The following DAOA variants were observed in gnomAD, a reference collection of about 807,000 sequenced individuals.
DAOA encodes D-amino acid oxidase regulator.
Under a neutral mutation model 16.4 loss-of-function variants are expected in DAOA, and 15 were observed. The ratio of observed to expected loss-of-function variants is 0.91; its 90% CI spans 0.61 to 1.41. DAOA has a LOEUF of 1.41. DAOA is among the 40% of genes most tolerant of loss of function. DAOA has a pLI of 0.00. For missense variants in DAOA, 230 were observed against 176.8 expected (o/e 1.30, Z -1.71); for synonymous variants, 75 against 59.1 (o/e 1.27, Z -1.23).
At chr13:105,474,368 G>A (rs935880394) in intron 4 of DAOA, among the ~76,000 whole-genome samples, 3 of 151,882 alleles carry the variant, frequency 2.0e-5, no homozygotes, top group Non-Finnish European at 4.4e-5. Context: ...GTGCATGCGC[G>A]TGTGTGTGTG....
At chr13:105,470,054 CT>C (rs979278966) in intron 3 of DAOA, among the ~76,000 whole-genome samples, 5 of 147,060 alleles carry the variant, frequency 3.4e-5, no homozygotes, top group Non-Finnish European at 6.0e-5. Context: ...ATTTGATCTA[CT>C]TTTTTTTTGT....
intron 4 of DAOA, 89 bp downstream of exon 4, chr13:105,472,774 T>A: frequency 8.4e-7 from 1 of 1,185,058 alleles, no homozygotes; most frequent in Non-Finnish European, 1.2e-6. Context: ...CTGGGCTTTT[T>A]AATATTAGAT....
In DAOA at chr13:105,490,160, ACT is replaced by A; in HGVS notation, c.*82_*83del. On this transcript the variant is annotated 3_prime_UTR_variant, in exon 5 of 6. Transcript: ENST00000375936. The stretch of plus-strand genomic sequence containing the variant: ...CAACATCTTCACTGGACTCTGACGG[ACT>A]CTGTGTCTGGGACCCAGCTGATAAC... The A allele has an allele frequency of 6.8e-7, 1 of 1,465,012 alleles. No homozygotes were observed. The highest frequency in any genetic ancestry group is 9.1e-7 in the Non-Finnish European group (1 of 1,103,108). The allele number at this position is 1,465,012 out of a possible 1,614,324, so 90.8% of individuals were successfully genotyped here. A position where few individuals can be genotyped will look rare whatever the true frequency, so the allele number is the denominator to read the frequency against.
chr13:105,471,733 C>T (rs140192142), intron 3 of DAOA, among the ~76,000 whole-genome samples: 3 of 144,826 alleles, frequency 2.1e-5, no homozygotes, highest in Non-Finnish European at 4.5e-5. Context: ...ATTCACAGAG[C>T]AATAATCCTT....
In DAOA at chr13:105,466,266, T is replaced by C. The variant is rs1305790979; in HGVS notation, c.-23T>C. 1.9e-6 allele frequency: 3 copies of C among 1,613,988 alleles called. No individual in the cohort carries two copies. The highest frequency in any genetic ancestry group is 1.7e-5 in the Admixed American group (1 of 60,006). ...TCTCATCTCTGCTTCACAATGCCGA[T>C]GATTTAGCTGGGAGGACCCAAAATG... is the stretch of plus-strand genomic sequence containing the variant. On this transcript the variant is annotated 5_prime_UTR_variant, in exon 2 of 6. The change abolishes an upstream ATG in the 5' untranslated region. Coordinates refer to ENST00000375936, the MANE Select transcript of DAOA (RefSeq NM_172370.5).
At chr13:105,474,895 G>T in intron 4 of DAOA, 1 of 523,638 alleles carries the variant, frequency 1.9e-6, no homozygotes, top group Non-Finnish European at 2.5e-6. Context: ...AAAAGTAAAA[G>T]ACAAACTTGA....
chr13:105,482,200 A>T (rs975436617), intron 4 of DAOA, among the ~76,000 whole-genome samples: 3 of 152,218 alleles, frequency 2.0e-5, no homozygotes, highest in African/African-American at 7.2e-5. Flanking sequence ...TCAAGATGAG[A>T]TATGGGTAGG....
At chr13:105,474,210 G>A (rs1300939314) in intron 4 of DAOA, among the ~76,000 whole-genome samples, 1 of 151,868 alleles carries the variant, frequency 6.6e-6, no homozygotes, top group Non-Finnish European at 1.5e-5. Flanking sequence ...ATGCCAATGG[G>A]ACTATGAGGT....
rs1483996483 is a variant in DAOA, at chr13:105,466,250, T to C, written c.-39T>C. Reference sequence around the variant, plus strand: ...AGGGCATGGCAGGAGGTCTCATCTCTGCTTCACAATGCCGATGATTTAGCT... The same window carrying C: ...AGGGCATGGCAGGAGGTCTCATCTCCGCTTCACAATGCCGATGATTTAGCT... On this transcript the variant is annotated 5_prime_UTR_variant, in exon 2 of 6. Transcript: ENST00000375936. The C allele has an allele frequency of 6.2e-7, 1 of 1,613,706 alleles. No homozygotes were observed. The highest frequency in any genetic ancestry group is 8.5e-7 in the Non-Finnish European group (1 of 1,179,810).
Position 105,467,069 on chromosome 13 carries a change from G to C in DAOA, c.61G>C (p.Gly21Arg). Residue 21 changes from glycine to arginine, a missense_variant, in exon 3 of 6, where the codon GGT becomes CGT. By Grantham distance (125) the Gly-to-Arg change is moderately radical (BLOSUM62 -2). Coordinates refer to ENST00000375936, the MANE Select transcript of DAOA (RefSeq NM_172370.5). ...AATTTTTAGATCCAGATATACATTG[G>C]GTAAAATCTACTTCATAGGTTTTCA... Reference protein sequence around the residue: ...LQLFRSRYTLGKIYFIGFQRS... With the variant: ...LQLFRSRYTLRKIYFIGFQRS... The C allele has an allele frequency of 1.9e-6, 3 of 1,610,510 alleles. No homozygotes were observed. The highest frequency in any genetic ancestry group is 1.1e-5 in the South Asian group (1 of 90,720).
intron 4 of DAOA, among the ~76,000 whole-genome samples, chr13:105,472,992 C>T (rs966138839): frequency 6.6e-6 from 1 of 152,070 alleles, no homozygotes; most frequent in African/African-American, 2.4e-5. Flanking sequence ...AAATCTGGAT[C>T]ACCCTCAAAA....
intron 4 of DAOA, among the ~76,000 whole-genome samples, chr13:105,476,338 A>G (rs945333440): frequency 6.6e-6 from 1 of 151,972 alleles, no homozygotes; most frequent in African/African-American, 2.4e-5. Context: ...CCAAATGTCT[A>G]TGTTTTGACT....
intron 4 of DAOA, among the ~76,000 whole-genome samples, chr13:105,484,004 A>G (rs897575518): frequency 6.6e-6 from 1 of 152,088 alleles, no homozygotes; most frequent in African/African-American, 2.4e-5. Flanking sequence ...CATGAGTTTT[A>G]TAGTTAAAGA....
At chr13:105,473,651 A>G (rs1319878849) in intron 4 of DAOA, among the ~76,000 whole-genome samples, 1 of 152,156 alleles carries the variant, frequency 6.6e-6, no homozygotes, top group Non-Finnish European at 1.5e-5. Flanking sequence ...CTGAAATTAT[A>G]TTTATAGACA....
At chr13:105,467,228 A>AT in intron 3 of DAOA, 87 bp downstream of exon 3, 2 of 1,354,920 alleles carry the variant, frequency 1.5e-6, no homozygotes, top group Non-Finnish European at 2.0e-6. Context: ...CTTTTGACAT[A>AT]TTTTCAAGCG....
intron 4 of DAOA, among the ~76,000 whole-genome samples, chr13:105,474,229 T>C (rs1391883783): frequency 6.6e-6 from 1 of 152,092 alleles, no homozygotes; most frequent in African/African-American, 2.4e-5. Context: ...GTTTCCCAAG[T>C]CCTTCAATAA....
chr13:105,474,981 T>G (rs937113523), intron 4 of DAOA: 9 of 984,736 alleles, frequency 9.1e-6, no homozygotes, highest in Non-Finnish European at 1.1e-5. Flanking sequence ...TTCTAGACAT[T>G]CCAAGGTGAT....
chr13:105,485,417 T>A (rs1408212851), intron 4 of DAOA, among the ~76,000 whole-genome samples: 1 of 152,164 alleles, frequency 6.6e-6, no homozygotes, highest in Non-Finnish European at 1.5e-5. Context: ...TCTGCTTCCA[T>A]CCCTAAACTC....
intron 4 of DAOA, among the ~76,000 whole-genome samples, chr13:105,476,647 C>T (rs1041380369): frequency 3.9e-5 from 6 of 151,930 alleles, no homozygotes; most frequent in Non-Finnish European, 2.9e-5. Flanking sequence ...TCCTTTACCT[C>T]ATTCTAAATC....
Sources: allele counts gnomAD v4.1 joint callset (sites outside exome capture counted in the v4.1 genomes callset), GRCh38; gene constraint gnomAD v4.1.1; transcripts MANE v1.5; gene names NCBI Gene and HGNC (gene_info 2026-07-23, HGNC 2026-07-21).